ARK2N: variants seen among roughly 807,000 people sequenced by gnomAD.
ARK2N encodes arkadia (RNF111) N-terminal like PKA signaling regulator 2N.
chr18:46,254,991 T>G, the ARK2N span, among the ~76,000 whole-genome samples: 1 of 151,584 alleles, frequency 6.6e-6, no homozygotes, highest in Non-Finnish European at 1.5e-5. Flanking sequence ...AGTGAAGTTG[T>G]GATTTTCTGG....
chr18:46,209,719 C>T, the ARK2N span, among the ~76,000 whole-genome samples: 1 of 152,066 alleles, frequency 6.6e-6, no homozygotes, highest in Admixed American at 6.5e-5. Flanking sequence ...CCTCAGCCTC[C>T]CGAGTAGCTT....
the ARK2N span, among the ~76,000 whole-genome samples, chr18:46,259,009 C>T: frequency 6.6e-6 from 1 of 151,570 alleles, no homozygotes; most frequent in Non-Finnish European, 1.5e-5. Context: ...ACTGTTTTTT[C>T]CCTCTGTAGT....
chr18:46,186,498 ATT>A, the ARK2N span, among the ~76,000 whole-genome samples: 19,237 of 80,520 alleles, frequency 0.24, 914 homozygotes, highest in East Asian at 0.31. Flanking sequence ...CCAACTGGTG[ATT>A]TTTTTTTTTT....
the ARK2N span, among the ~76,000 whole-genome samples, chr18:46,190,787 G>C: frequency 6.6e-6 from 1 of 152,284 alleles, no homozygotes; most frequent in East Asian, 1.9e-4. Flanking sequence ...GGCCAAGGTA[G>C]TACAGATTGC....
the ARK2N span, among the ~76,000 whole-genome samples, chr18:46,183,102 C>A: frequency 2.0e-5 from 3 of 151,926 alleles, no homozygotes; most frequent in Non-Finnish European, 4.4e-5. Flanking sequence ...GGAAGAGTTC[C>A]TTAATGTAAT....
At chr18:46,259,885 C>CTGTGTGTGTGTGTGTGTG in the ARK2N span, among the ~76,000 whole-genome samples, 1,581 of 81,674 alleles carry the variant, frequency 0.019, 307 homozygotes, top group African/African-American at 0.067. Context: ...ATCCTCCCGT[C>CTGTGTGTGTGTGTGTGTG]TGTGTGTGTG....
chr18:46,210,973 T>A, the ARK2N span, among the ~76,000 whole-genome samples: 10 of 150,260 alleles, frequency 6.7e-5, no homozygotes, highest in Non-Finnish European at 1.5e-4. Context: ...TAGGATTAAA[T>A]CCTGAGATTT....
chr18:46,248,553 G>A, the ARK2N span, among the ~76,000 whole-genome samples: 3 of 152,030 alleles, frequency 2.0e-5, no homozygotes, highest in African/African-American at 7.2e-5. Flanking sequence ...TTTCCACGTA[G>A]GCTTTTCTAT....
chr18:46,230,842 TC>T, the ARK2N span, among the ~76,000 whole-genome samples: 1 of 152,234 alleles, frequency 6.6e-6, no homozygotes. Flanking sequence ...TGTTGATACT[TC>T]CTTTTAGTGT....
At chr18:46,240,831 T>A in the ARK2N span, among the ~76,000 whole-genome samples, 1 of 152,242 alleles carries the variant, frequency 6.6e-6, no homozygotes, top group Non-Finnish European at 1.5e-5. Context: ...TGAAAAACTT[T>A]CACAATACCT....
the ARK2N span, among the ~76,000 whole-genome samples, chr18:46,245,739 A>G: frequency 3.3e-5 from 5 of 152,272 alleles, no homozygotes; most frequent in African/African-American, 1.2e-4. Context: ...GCTCAGGCCT[A>G]GTTCTTACCC....
the ARK2N span, among the ~76,000 whole-genome samples, chr18:46,233,540 A>G: frequency 6.6e-6 from 1 of 152,188 alleles, no homozygotes; most frequent in Non-Finnish European, 1.5e-5. Flanking sequence ...CACTTGAATC[A>G]GAGGCTTCAT....
chr18:46,242,804 T>C, the ARK2N span, among the ~76,000 whole-genome samples: 1 of 152,260 alleles, frequency 6.6e-6, no homozygotes, highest in Non-Finnish European at 1.5e-5. Flanking sequence ...TTTCCACTGC[T>C]ATTTAGTATT....
the ARK2N span, chr18:46,232,710 T>C: frequency 6.6e-6 from 1 of 152,206 alleles, no homozygotes; most frequent in African/African-American, 2.4e-5. Flanking sequence ...ATTCTCATGT[T>C]GTATTAAATT....
the ARK2N span, among the ~76,000 whole-genome samples, chr18:46,226,952 C>T: frequency 4.8e-3 from 723 of 151,958 alleles, 9 homozygotes; most frequent in African/African-American, 0.016. Context: ...GGATTGCAGG[C>T]GCCTGCCACC....
the ARK2N span, among the ~76,000 whole-genome samples, chr18:46,183,022 T>C: frequency 1.1e-4 from 17 of 151,894 alleles, no homozygotes; most frequent in Middle Eastern, 6.8e-3. Context: ...TTTTTAGCAC[T>C]CCAGTTTCCC....
the ARK2N span, among the ~76,000 whole-genome samples, chr18:46,255,445 C>CTTTTTTTTTT: frequency 3.0e-4 from 23 of 77,740 alleles, no homozygotes; most frequent in African/African-American, 9.2e-4. Flanking sequence ...CTTTTCTTTT[C>CTTTTTTTTTT]TTTTTTTTTT....
the ARK2N span, among the ~76,000 whole-genome samples, chr18:46,201,891 C>T: frequency 6.6e-6 from 1 of 151,862 alleles, no homozygotes; most frequent in East Asian, 1.9e-4. Context: ...GATTCTCCTC[C>T]TTCAGCCTCC....
the ARK2N span, among the ~76,000 whole-genome samples, chr18:46,261,521 C>T: frequency 6.6e-6 from 1 of 152,212 alleles, no homozygotes; most frequent in Non-Finnish European, 1.5e-5. Flanking sequence ...ACTCCTTTGG[C>T]TGACATTTTT....
Sources: allele counts gnomAD v4.1 joint callset (sites outside exome capture counted in the v4.1 genomes callset), GRCh38; gene constraint gnomAD v4.1.1; transcripts MANE v1.5; gene names NCBI Gene and HGNC (gene_info 2026-07-23, HGNC 2026-07-21).